The following GPC6 variants were observed in gnomAD, a reference collection of about 807,000 sequenced individuals.
GPC6 encodes glypican 6.
In GPC6, 14 loss-of-function variants were observed where a neutral mutation model predicts 55.2. The observed-to-expected ratio is 0.25, with a 90% CI of 0.17 to 0.40. The LOEUF (loss-of-function observed/expected upper bound fraction) is 0.40, where lower values mean the gene tolerates loss of function less well. Ranked by LOEUF, GPC6 falls within the 10% of genes least tolerant of loss-of-function variation. GPC6 has a pLI of 1.00. For synonymous variants in GPC6, 278 were observed against 259.6 expected (o/e 1.07, Z -0.68); for missense variants, 641 against 708.5 (o/e 0.90, Z 1.08).
chr13:93,564,248 C>G (rs925587333), intron 2 of GPC6, among the ~76,000 whole-genome samples: 13 of 151,890 alleles, frequency 8.6e-5, no homozygotes, highest in African/African-American at 3.1e-4. Context: ...TTTTCCTAAT[C>G]CTAGTAAATA....
chr13:94,103,704 A>G (rs1885948956), intron 4 of GPC6, among the ~76,000 whole-genome samples: 1 of 152,230 alleles, frequency 6.6e-6, no homozygotes, highest in Middle Eastern at 3.4e-3. Context: ...GTGTCTGTTC[A>G]TATCCTTTGC....
At chr13:93,759,606 A>T (rs746101595) in intron 2 of GPC6, among the ~76,000 whole-genome samples, 19 of 152,172 alleles carry the variant, frequency 1.2e-4, no homozygotes, top group Non-Finnish European at 2.6e-4. Context: ...TATGGCCTTG[A>T]TCTTTAGTTT....
chr13:94,403,641 C>A lies in GPC6; in HGVS notation c.*424C>A. 2 of 227,906 alleles carry A rather than the reference C, an allele frequency of 8.8e-6. No individual in the cohort carries two copies. Among genetic ancestry groups the A allele is most frequent in the African/African-American group, 2.3e-5 (1 of 43,628 alleles). 14.1% of individuals were successfully genotyped at this position (227,906 alleles called of 1,614,324 possible). ...GACAGCTACATTTTCAACAAAAAAG[C>A]AAACAGAGAAAAATAAATGAACTTT... is the stretch of plus-strand genomic sequence containing the variant. On this transcript the variant is annotated 3_prime_UTR_variant, in exon 9 of 9. Transcript: ENST00000377047.
intron 4 of GPC6, among the ~76,000 whole-genome samples, chr13:94,148,445 A>C (rs1423087062): frequency 6.6e-6 from 1 of 152,202 alleles, no homozygotes; most frequent in Non-Finnish European, 1.5e-5. Context: ...ATGGAAAGAA[A>C]CATGTTACAT....
chr13:93,676,106 TAAAAAAAAAAAA>T (rs760322815), intron 2 of GPC6, among the ~76,000 whole-genome samples: 1 of 23,144 alleles, frequency 4.3e-5, no homozygotes, highest in African/African-American at 1.0e-4. Context: ...CTGTTTCTAC[TAAAAAAAAAAAA>T]AAAAAAAAAT....
At chr13:94,153,326 T>A (rs943810790) in intron 4 of GPC6, among the ~76,000 whole-genome samples, 2 of 152,106 alleles carry the variant, frequency 1.3e-5, no homozygotes, top group African/African-American at 4.8e-5. Flanking sequence ...CTGTTACCAA[T>A]TAGATCAAAT....
intron 2 of GPC6, among the ~76,000 whole-genome samples, chr13:93,701,457 G>T (rs773819865): frequency 2.6e-5 from 4 of 151,972 alleles, no homozygotes; most frequent in Admixed American, 6.6e-5. Flanking sequence ...TTTTCTGATG[G>T]AGGGTATTGT....
intron 3 of GPC6, among the ~76,000 whole-genome samples, chr13:94,018,947 C>T (rs1566294784): frequency 6.6e-6 from 1 of 152,172 alleles, no homozygotes; most frequent in Admixed American, 6.5e-5. Context: ...TCCCCCACCC[C>T]CACACCTGTC....
At chr13:93,287,936 G>T (rs1277912445) in intron 1 of GPC6, among the ~76,000 whole-genome samples, 3 of 152,072 alleles carry the variant, frequency 2.0e-5, no homozygotes, top group Non-Finnish European at 4.4e-5. Context: ...ATAGCAAGTG[G>T]ATATCATCAA....
At chr13:94,321,834 C>T (rs1224741329) in intron 6 of GPC6, among the ~76,000 whole-genome samples, 8 of 152,194 alleles carry the variant, frequency 5.3e-5, no homozygotes, top group Non-Finnish European at 1.0e-4. Flanking sequence ...ACTCCAATAC[C>T]TAAGCTCTTG....
chr13:93,810,348 G>A (rs943729741), intron 2 of GPC6, among the ~76,000 whole-genome samples: 2 of 152,138 alleles, frequency 1.3e-5, no homozygotes, highest in Admixed American at 6.5e-5. Flanking sequence ...GTTGTAGGTC[G>A]TCTTAGATTT....
intron 3 of GPC6, among the ~76,000 whole-genome samples, chr13:93,856,177 C>T (rs1188065275): frequency 6.6e-6 from 1 of 151,568 alleles, no homozygotes; most frequent in Non-Finnish European, 1.5e-5. Flanking sequence ...GGCTACAACA[C>T]AGCCTCCTAT....
At chr13:93,951,322 G>C (rs942722436) in intron 3 of GPC6, among the ~76,000 whole-genome samples, 1 of 152,000 alleles carries the variant, frequency 6.6e-6, no homozygotes, top group African/African-American at 2.4e-5. Flanking sequence ...TGTGATTTTA[G>C]GTCTGTTATT....
chr13:93,952,767 T>A (rs972254465), intron 3 of GPC6, among the ~76,000 whole-genome samples: 2 of 149,996 alleles, frequency 1.3e-5, no homozygotes, highest in African/African-American at 4.9e-5. Context: ...CGTGTGTGTG[T>A]GAGATGTGGG....
At chr13:93,526,208 C>A (rs1293297427) in intron 1 of GPC6, among the ~76,000 whole-genome samples, 1 of 152,038 alleles carries the variant, frequency 6.6e-6, no homozygotes, top group Non-Finnish European at 1.5e-5. Context: ...GAAATATGGG[C>A]TTTTCCATAA....
intron 2 of GPC6, among the ~76,000 whole-genome samples, chr13:93,677,192 A>G (rs1881667098): frequency 6.6e-6 from 1 of 152,144 alleles, no homozygotes; most frequent in Admixed American, 6.5e-5. Context: ...CAAAGGCTGA[A>G]GAGGGAATTT....
At chr13:94,297,311 AT>A (rs1001056352) in intron 5 of GPC6, among the ~76,000 whole-genome samples, 3 of 152,194 alleles carry the variant, frequency 2.0e-5, no homozygotes, top group Admixed American at 6.5e-5. Context: ...GGTGGAAGGA[AT>A]GGTAGAGCCC....
At chr13:93,355,250 T>G (rs1229595488) in intron 1 of GPC6, among the ~76,000 whole-genome samples, 1 of 152,214 alleles carries the variant, frequency 6.6e-6, no homozygotes, top group Non-Finnish European at 1.5e-5. Flanking sequence ...TAAATAGCCA[T>G]TTTCTGCTGA....
At chr13:93,809,190 T>C (rs1252862228) in intron 2 of GPC6, among the ~76,000 whole-genome samples, 3 of 152,140 alleles carry the variant, frequency 2.0e-5, no homozygotes. Context: ...CTAAACACAT[T>C]GCATTCTCTG....
Sources: gnomAD v4.1 joint callset for allele counts (sites outside exome capture counted in the v4.1 genomes callset) on GRCh38, gnomAD v4.1.1 for gene constraint, MANE v1.5 for transcripts, NCBI Gene and HGNC (gene_info 2026-07-23, HGNC 2026-07-21) for gene names.